Variants in PARVA observed in about 807,000 individuals in gnomAD.
PARVA encodes the protein alpha-parvin.
A neutral mutation model predicts 52.6 loss-of-function variants in PARVA; 25 were observed. That is an observed-to-expected ratio of 0.48 (90% confidence interval 0.35 to 0.66). PARVA has a LOEUF of 0.66. Among genes scored for constraint, PARVA ranks in the 30% least tolerant of loss-of-function variants. PARVA has a pLI of 0.01. For missense variants in PARVA, 373 were observed against 450.9 expected, an observed-to-expected ratio of 0.83 and a Z score of 1.56; for synonymous variants, 185 against 179.1, an observed-to-expected ratio of 1.03 and a Z score of -0.26.
intron 9 of PARVA, 167 bp downstream of exon 9, chr11:12,513,527 A>G: frequency 1.4e-6 from 1 of 739,128 alleles, no homozygotes; most frequent in South Asian, 1.4e-5. Context: ...TCTGTTCCTC[A>G]CTGGATGTTG....
intron 1 of PARVA, among the ~76,000 whole-genome samples, chr11:12,428,035 G>A (rs1018732137): frequency 3.3e-5 from 5 of 152,216 alleles, no homozygotes; most frequent in Admixed American, 6.5e-5. Flanking sequence ...CCCCATTTGT[G>A]GAGAACTTCA....
chr11:12,422,491 T>A (rs1940164814), intron 1 of PARVA, among the ~76,000 whole-genome samples: 1 of 152,242 alleles, frequency 6.6e-6, no homozygotes, highest in Non-Finnish European at 1.5e-5. Flanking sequence ...CCAACAGCTC[T>A]GCCCAGTATT....
chr11:12,472,387 T>C lies in PARVA; in HGVS notation c.137-1358T>C, dbSNP rs926754929. On this transcript the variant is annotated intron_variant, in intron 1 of 12. Transcript: ENST00000334956. ...ACCCCTTCTGTGTTTCTGTCATGTT[T>C]TATGGAGAATTCTATGAAATAGTCG... is the stretch of plus-strand genomic sequence containing the variant. Among the ~76,000 whole-genome samples the C allele has an allele frequency of 8.5e-5, 13 of 152,204 alleles. No individual in the cohort carries two copies. The East Asian group carries it at 2.5e-3, about 29-fold the overall frequency.
intron 7 of PARVA, among the ~76,000 whole-genome samples, chr11:12,509,822 G>A (rs1174108318): frequency 2.0e-5 from 3 of 152,138 alleles, no homozygotes; most frequent in Non-Finnish European, 4.4e-5. Flanking sequence ...TGAGGGATGG[G>A]AGGAGCCAGG....
chr11:12,526,731 C>T (rs918625587), intron 12 of PARVA, among the ~76,000 whole-genome samples: 4 of 152,162 alleles, frequency 2.6e-5, no homozygotes, highest in African/African-American at 9.7e-5. Flanking sequence ...AATTTTATTA[C>T]CTAAGTATGC....
chr11:12,508,456 T>A, intron 6 of PARVA, 128 bp from the exon 7 acceptor site: 1 of 736,678 alleles, frequency 1.4e-6, no homozygotes, highest in Non-Finnish European at 2.4e-6. Flanking sequence ...AGCATTATCT[T>A]ATCTTGGGTG....
At chr11:12,517,007 C>T (rs1312959385) in intron 10 of PARVA, among the ~76,000 whole-genome samples, 1 of 152,118 alleles carries the variant, frequency 6.6e-6, no homozygotes, top group African/African-American at 2.4e-5. Flanking sequence ...CTGTGTGACA[C>T]TAGTCCTTTC....
At chr11:12,485,118 G>T (rs1326934384) in intron 4 of PARVA, among the ~76,000 whole-genome samples, 2 of 152,140 alleles carry the variant, frequency 1.3e-5, no homozygotes, top group East Asian at 3.9e-4. Flanking sequence ...CCAGCCAGAG[G>T]GGGCATTTTG....
intron 1 of PARVA, among the ~76,000 whole-genome samples, chr11:12,392,459 G>T (rs980565475): frequency 6.6e-6 from 1 of 151,912 alleles, no homozygotes; most frequent in African/African-American, 2.4e-5. Context: ...AGTAGAGACG[G>T]GGTTTCACCA....
intron 1 of PARVA, among the ~76,000 whole-genome samples, chr11:12,442,076 C>T (rs1236280049): frequency 6.6e-6 from 1 of 152,220 alleles, no homozygotes; most frequent in Admixed American, 6.5e-5. Context: ...CCAAACTTTA[C>T]TTGATGCGTG....
intron 1 of PARVA, among the ~76,000 whole-genome samples, chr11:12,401,139 A>G (rs903044908): frequency 2.6e-5 from 4 of 152,198 alleles, no homozygotes; most frequent in East Asian, 1.9e-4. Context: ...CCACCTTAAC[A>G]AGCCTTAGGT....
chr11:12,493,367 AAAAG>A (rs1327854346), intron 4 of PARVA, among the ~76,000 whole-genome samples: 23 of 152,032 alleles, frequency 1.5e-4, no homozygotes, highest in Non-Finnish European at 3.1e-4. Context: ...AAAAAAAAAA[AAAAG>A]AGAGAATATT....
At chr11:12,391,653 A>T (rs987959924) in intron 1 of PARVA, among the ~76,000 whole-genome samples, 2 of 152,198 alleles carry the variant, frequency 1.3e-5, no homozygotes, top group Non-Finnish European at 2.9e-5. Flanking sequence ...ACTTCCAGCC[A>T]TGACCTCTCA....
chr11:12,494,911 A>T (rs1941279211), intron 4 of PARVA, among the ~76,000 whole-genome samples: 1 of 152,302 alleles, frequency 6.6e-6, no homozygotes, highest in African/African-American at 2.4e-5. Context: ...ATAAGACCAG[A>T]AGGTTCTTAA....
At chr11:12,394,974 C>T (rs780134494) in intron 1 of PARVA, among the ~76,000 whole-genome samples, 3 of 151,940 alleles carry the variant, frequency 2.0e-5, no homozygotes, top group Admixed American at 1.3e-4. Flanking sequence ...GCCTTTAATC[C>T]CAGCTACTTG....
intron 1 of PARVA, among the ~76,000 whole-genome samples, chr11:12,450,175 A>G (rs897647814): frequency 6.6e-6 from 1 of 152,220 alleles, no homozygotes; most frequent in African/African-American, 2.4e-5. Context: ...ACACATTAGT[A>G]CTAAGAATAA....
intron 1 of PARVA, among the ~76,000 whole-genome samples, chr11:12,394,451 GT>G (rs1774408100): frequency 6.6e-6 from 1 of 152,164 alleles, no homozygotes; most frequent in African/African-American, 2.4e-5. Context: ...TGAGAATGAT[GT>G]TTTGGTTATC....
intron 1 of PARVA, among the ~76,000 whole-genome samples, chr11:12,424,046 C>A (rs1363948997): frequency 1.3e-5 from 2 of 152,012 alleles, no homozygotes; most frequent in African/African-American, 4.8e-5. Context: ...ATTAATGTTA[C>A]TGGTATTACT....
At chr11:12,483,124 A>G (rs889292095) in intron 4 of PARVA, among the ~76,000 whole-genome samples, 1 of 152,206 alleles carries the variant, frequency 6.6e-6, no homozygotes, top group Admixed American at 6.5e-5. Flanking sequence ...CCTTGCAGGA[A>G]AATCACCCTT....
Sources: gnomAD v4.1 joint callset for allele counts (sites outside exome capture counted in the v4.1 genomes callset) on GRCh38, gnomAD v4.1.1 for gene constraint, MANE v1.5 for transcripts, NCBI Gene and HGNC (gene_info 2026-07-23, HGNC 2026-07-21) for gene names.